Variants in EGFR observed in about 807,000 individuals in gnomAD.
EGFR encodes epidermal growth factor receptor.
Under a neutral mutation model 143.0 loss-of-function variants are expected in EGFR, and 58 were observed. The ratio of observed to expected loss-of-function variants is 0.41; its 90% CI spans 0.33 to 0.50. The LOEUF (loss-of-function observed/expected upper bound fraction) is 0.50, where lower values mean the gene tolerates loss of function less well. EGFR is among the 20% of genes least tolerant of loss of function. The pLI is 0.39. For synonymous variants in EGFR, 613 were observed against 594.4 expected, an observed-to-expected ratio of 1.03 and a Z score of -0.45; for missense variants, 1,307 against 1,579.0, an observed-to-expected ratio of 0.83 and a Z score of 2.92.
At chr7:55,038,742 GTA>G (rs1200758840) in intron 1 of EGFR, among the ~76,000 whole-genome samples, 23 of 151,666 alleles carry the variant, frequency 1.5e-4, no homozygotes, top group African/African-American at 3.9e-4. Flanking sequence ...GTGTGTGTGT[GTA>G]TGTGTGTGTG....
At position 55,191,804 on chromosome 7, in the gene EGFR, A is replaced by G. The variant is rs1292517709; in HGVS notation, c.2555A>G (p.Lys852Arg). The change falls in exon 21 of 28, where the codon AAG becomes AGG. Residue 852 changes from lysine (K) to arginine (R), a missense_variant. By Grantham distance (26) the Lys-to-Arg change is conservative. Transcript: ENST00000275493. ...NVLVKTPQHV[K>R]ITDFGLAKLL... ...CTGGTGAAAACACCGCAGCATGTCA[A>G]GATCACAGATTTTGGGCTGGCCAAA... is the stretch of plus-strand genomic sequence containing the variant. 4.3e-6 allele frequency: 7 copies of G among 1,614,012 alleles called. No homozygotes were observed. The highest frequency in any genetic ancestry group is 4.2e-6 in the Non-Finnish European group (5 of 1,180,028).
intron 4 of EGFR, among the ~76,000 whole-genome samples, 190 bp downstream of exon 4, chr7:55,146,930 G>A (rs1184897867): frequency 6.6e-6 from 1 of 152,240 alleles, no homozygotes; most frequent in South Asian, 2.1e-4. Flanking sequence ...TTTGTGGCGG[G>A]TGGCAGCCCA....
At chr7:55,170,495 A>G (rs1786292521) in intron 15 of EGFR, 2 of 1,613,978 alleles carry the variant, frequency 1.2e-6, no homozygotes, top group Non-Finnish European at 1.7e-6. Flanking sequence ...AGCCACCTCC[A>G]TGCCTGGCCT....
At chr7:55,094,641 C>G (rs1791334704) in intron 1 of EGFR, among the ~76,000 whole-genome samples, 1 of 152,228 alleles carries the variant, frequency 6.6e-6, no homozygotes, top group African/African-American at 2.4e-5. Context: ...TCTAACTTCT[C>G]CTTTCACATA....
At chr7:55,181,689 A>G (rs1786888369) in intron 20 of EGFR, 1 of 631,550 alleles carries the variant, frequency 1.6e-6, no homozygotes, top group Non-Finnish European at 2.8e-6. Flanking sequence ...ACTCTCATCA[A>G]TCAGCTACCT....
rs1791244399 is a variant in EGFR at position 55,093,371 on chromosome 7, T to C, written c.89-48915T>C. Among the ~76,000 whole-genome samples the C allele has an allele frequency of 1.3e-5, 2 of 152,256 alleles. 1 individual carries two copies. Among genetic ancestry groups the C allele is most frequent in the Non-Finnish European group, 2.9e-5 (2 of 68,046 alleles). Reference sequence around the variant, plus strand: ...TGTTGGGAATTGTGCTGTTCATTTTTACTCTACCTCGTTTTGGAATCACTA... The same window carrying C: ...TGTTGGGAATTGTGCTGTTCATTTTCACTCTACCTCGTTTTGGAATCACTA... On this transcript the variant is annotated intron_variant, in intron 1 of 27. Transcript: ENST00000275493.
At chr7:55,133,842 G>A (rs941290247) in intron 1 of EGFR, among the ~76,000 whole-genome samples, 2 of 152,236 alleles carry the variant, frequency 1.3e-5, no homozygotes, top group African/African-American at 4.8e-5. Flanking sequence ...GAGGCACAGA[G>A]TGCAAGCACC....
chr7:55,117,373 G>T (rs906689567), intron 1 of EGFR, among the ~76,000 whole-genome samples: 1 of 152,146 alleles, frequency 6.6e-6, no homozygotes, highest in African/African-American at 2.4e-5. Context: ...TACAAGGAGG[G>T]GCATTTCCCG....
chr7:55,034,362 T>C (rs1787436077), intron 1 of EGFR, among the ~76,000 whole-genome samples: 1 of 152,136 alleles, frequency 6.6e-6, no homozygotes, highest in South Asian at 2.1e-4. Context: ...GCCCCCTGAG[T>C]AGCTGGGACT....
In EGFR at chr7:55,177,755, G is replaced by T. The variant is rs190184040; in HGVS notation, c.2283+2935G>T. On this transcript the variant is annotated intron_variant, in intron 19 of 27. Coordinates refer to ENST00000275493, the MANE Select transcript of EGFR (RefSeq NM_005228.5). ...CTCCTGCGGTGGGACTGGGCTAGGA[G>T]CCATGGGGGCTCCAACTGTGCGCTC... Among the ~76,000 whole-genome samples the T allele has an allele frequency of 1.8e-3, 270 of 152,366 alleles. 2 individuals are homozygous for T. The highest frequency in any genetic ancestry group is 3.3e-3 in the Admixed American group (50 of 15,310).
chr7:55,109,775 C>G, intron 1 of EGFR: 1 of 985,388 alleles, frequency 1.0e-6, no homozygotes, highest in Non-Finnish European at 1.2e-6. Context: ...AAGGGCCTGT[C>G]TGGTGTTTCA....
At chr7:55,089,936 CTACT>C (rs1234341528) in intron 1 of EGFR, among the ~76,000 whole-genome samples, 15 of 142,604 alleles carry the variant, frequency 1.1e-4, no homozygotes, top group African/African-American at 1.9e-4. Context: ...CTAGGTGATG[CTACT>C]TATTTATTTA....
At position 55,123,619 on chromosome 7, in the gene EGFR, T is replaced by C. The variant is rs1793341796; in HGVS notation, c.89-18667T>C. 2.0e-5 allele frequency among the ~76,000 whole-genome samples: 3 copies of C among 152,190 alleles called. No homozygotes were observed. In the South Asian group the frequency reaches 6.2e-4, roughly 32 times the overall value. On this transcript the variant is annotated intron_variant, in intron 1 of 27. Transcript: ENST00000275493. The stretch of plus-strand genomic sequence containing the variant: ...GCAGCTTGAGGGTCTCCATCTCACA[T>C]TTATCATATGCCTTATTGCATGAGG...
At chr7:55,081,271 G>A (rs977373515) in intron 1 of EGFR, among the ~76,000 whole-genome samples, 2 of 152,188 alleles carry the variant, frequency 1.3e-5, no homozygotes, top group Admixed American at 6.5e-5. Context: ...GTATTGTTTG[G>A]TACAGTCTGG....
intron 1 of EGFR, among the ~76,000 whole-genome samples, chr7:55,019,677 G>T (rs1786413913): frequency 6.6e-6 from 1 of 152,108 alleles, no homozygotes; most frequent in African/African-American, 2.4e-5. Flanking sequence ...CACTTTCCCC[G>T]CCCAGCTGCG....
At chr7:55,144,500 T>G (rs1254334914) in intron 3 of EGFR, among the ~76,000 whole-genome samples, 1 of 152,044 alleles carries the variant, frequency 6.6e-6, no homozygotes, top group African/African-American at 2.4e-5. Flanking sequence ...AGGGGTGTGA[T>G]GAAAGGGGTG....
At chr7:55,192,531 T>C (rs1179266972) in intron 21 of EGFR, among the ~76,000 whole-genome samples, 1 of 152,108 alleles carries the variant, frequency 6.6e-6, no homozygotes, top group Non-Finnish European at 1.5e-5. Context: ...GGCTCCCAGC[T>C]CACCAGAGCA....
intron 1 of EGFR, among the ~76,000 whole-genome samples, chr7:55,082,444 C>G (rs1237051637): frequency 6.6e-6 from 1 of 152,052 alleles, no homozygotes; most frequent in Non-Finnish European, 1.5e-5. Context: ...AGACTCACAG[C>G]AATAGTTGTA....
intron 1 of EGFR, among the ~76,000 whole-genome samples, chr7:55,065,290 A>G (rs1371819225): frequency 1.3e-5 from 2 of 152,158 alleles, no homozygotes; most frequent in African/African-American, 2.4e-5. Context: ...AGAGGGGTGG[A>G]CGAGGAGTAA....
Sources: allele counts gnomAD v4.1 joint callset (sites outside exome capture counted in the v4.1 genomes callset), GRCh38; gene constraint gnomAD v4.1.1; transcripts MANE v1.5; gene names NCBI Gene and HGNC (gene_info 2026-07-23, HGNC 2026-07-21).